ABTB2: variants seen among roughly 807,000 people sequenced by gnomAD.
The protein encoded by ABTB2 is ankyrin repeat and BTB domain containing 2.
In ABTB2, 56 loss-of-function variants were observed where a neutral mutation model predicts 104.1. The observed-to-expected ratio is 0.54, with a 90% CI of 0.43 to 0.67. ABTB2 has a LOEUF of 0.67. Among genes scored for constraint, ABTB2 ranks in the 30% least tolerant of loss-of-function variants. The probability of loss-of-function intolerance (pLI) is 0.00; values close to 1 mark genes in which losing one functional copy is unlikely to be tolerated. For synonymous variants in ABTB2, 606 were observed against 608.2 expected (o/e 1.00, Z 0.05); for missense variants, 1,279 against 1,407.7 (o/e 0.91, Z 1.46).
intron 1 of ABTB2, among the ~76,000 whole-genome samples, chr11:34,343,330 T>C (rs1213035904): frequency 6.6e-6 from 1 of 152,176 alleles, no homozygotes; most frequent in African/African-American, 2.4e-5. Context: ...TTACCACTAA[T>C]AATAGTTAAT....
rs770598303 is a variant in ABTB2, at chr11:34,162,621, C to T, written c.2173G>A (p.Ala725Thr). The T allele has an allele frequency of 1.2e-5, 20 of 1,613,678 alleles. No individual in the cohort carries two copies. The highest frequency in any genetic ancestry group is 4.0e-5 in the African/African-American group (3 of 75,064). Residue 725 changes from alanine to threonine, a missense_variant, in exon 10 of 17, where the codon GCT becomes ACT. Physicochemically the swap from Ala to Thr is moderately conservative, Grantham distance 58. Transcript: ENST00000435224. The stretch of plus-strand genomic sequence containing the variant: ...GTGATGTCCACGTAGCCGTGCTCAG[C>T]GCTGTAGTACATGGCCTCCTGTAGG... ...KALQEAMYYS[A>T]EHGYVDITME...
chr11:34,307,497 T>C (rs970338203), intron 1 of ABTB2, among the ~76,000 whole-genome samples: 2 of 152,200 alleles, frequency 1.3e-5, no homozygotes, highest in Admixed American at 6.5e-5. Flanking sequence ...ATGCAGCCAA[T>C]GAGCAGGAAA....
chr11:34,173,367 G>A (rs1202952761), intron 3 of ABTB2, 60 bp from the exon 4 acceptor site: 4 of 1,507,988 alleles, frequency 2.7e-6, no homozygotes, highest in Non-Finnish European at 3.6e-6. Flanking sequence ...GCAGCAGAGA[G>A]AGGGTCAGGC....
chr11:34,161,745 G>A (rs1230270397), intron 10 of ABTB2, among the ~76,000 whole-genome samples: 1 of 152,136 alleles, frequency 6.6e-6, no homozygotes, highest in Non-Finnish European at 1.5e-5. Context: ...TCCTGTCCCT[G>A]GTAATTAGAG....
Position 34,357,142 on chromosome 11 carries a change from C to A in ABTB2, c.442G>T (p.Val148Leu). The change falls in exon 1 of 17, where the codon GTG becomes TTG. Residue 148 changes from valine to leucine, a missense_variant. By Grantham distance (32) the Val-to-Leu change is conservative. Transcript: ENST00000435224. The stretch of plus-strand genomic sequence containing the variant: ...AAGCGGGTGCACTTGGCGTGCAGCA[C>A]GCTCAGGCGCTGCGCCTCGCGGGCC... The part of the protein sequence containing the change: ...RVAREAQRLS[V>L]LHAKCTRFEV... 6.7e-7 allele frequency: 1 copy of A among 1,494,876 alleles called. No homozygotes were observed. The highest frequency in any genetic ancestry group is 2.3e-5 in the Admixed American group (1 of 43,702). 92.6% of individuals were successfully genotyped at this position (1,494,876 alleles called of 1,614,324 possible).
chr11:34,230,274 GT>G (rs1454358832), intron 1 of ABTB2, among the ~76,000 whole-genome samples: 1 of 152,214 alleles, frequency 6.6e-6, no homozygotes, highest in Non-Finnish European at 1.5e-5. Flanking sequence ...AAGGGGGAGT[GT>G]TGCATTTTGA....
chr11:34,235,002 C>T (rs12577226), intron 1 of ABTB2, among the ~76,000 whole-genome samples: 4,011 of 152,220 alleles, frequency 0.026, 141 homozygotes, highest in East Asian at 0.17. Flanking sequence ...GGACTATAGG[C>T]GCCCGCCACG....
At chr11:34,158,423 A>C (rs942079587) in intron 14 of ABTB2, among the ~76,000 whole-genome samples, 4 of 152,208 alleles carry the variant, frequency 2.6e-5, no homozygotes, top group Admixed American at 6.5e-5. Context: ...AAAAAACAAA[A>C]AAAAGCCATT....
chr11:34,226,276 T>C (rs147196135), intron 1 of ABTB2, among the ~76,000 whole-genome samples: 1 of 145,460 alleles, frequency 6.9e-6, no homozygotes, highest in Non-Finnish European at 1.5e-5. Context: ...ACATTGGGAA[T>C]AGCTTGGCAG....
At chr11:34,322,286 G>A (rs1188242763) in intron 1 of ABTB2, among the ~76,000 whole-genome samples, 1 of 152,186 alleles carries the variant, frequency 6.6e-6, no homozygotes, top group Admixed American at 6.5e-5. Flanking sequence ...GAAAATTTGG[G>A]TATAGACTAA....
chr11:34,195,088 T>TGGGGG (rs1565137708), intron 3 of ABTB2, among the ~76,000 whole-genome samples: 2 of 33,252 alleles, frequency 6.0e-5, no homozygotes, highest in Non-Finnish European at 1.5e-4. Flanking sequence ...GGGGGGGGAG[T>TGGGGG]GGGGGCGGGA....
intron 1 of ABTB2, among the ~76,000 whole-genome samples, chr11:34,294,718 A>AAT (rs1447761001): frequency 6.9e-6 from 1 of 145,286 alleles, no homozygotes. Context: ...TACAAAAACA[A>AAT]TTTTTTTTTT....
intron 3 of ABTB2, among the ~76,000 whole-genome samples, chr11:34,182,920 T>C (rs893703770): frequency 2.0e-5 from 3 of 152,098 alleles, no homozygotes; most frequent in African/African-American, 7.2e-5. Flanking sequence ...ACTTGCCCTA[T>C]GTCATGCACC....
In ABTB2 at chr11:34,160,475, C is replaced by T. The variant is rs544845439; in HGVS notation, c.2398-122G>A. The T allele has an allele frequency of 2.3e-5, 16 of 706,530 alleles. No individual in the cohort carries two copies. In the African/African-American group the frequency reaches 2.3e-4, roughly 10 times the overall value. The allele number at this position is 706,530 out of a possible 1,614,324, so 43.8% of individuals were successfully genotyped here. On this transcript the variant is annotated intron_variant, in intron 11 of 16. Transcript: ENST00000435224. ...AGTAGTGCAGCCGCTATCTTTTGTT[C>T]CTGCTGGATGTGGCTTGGCAAGAGA...
chr11:34,310,811 T>A (rs781010465), intron 1 of ABTB2, among the ~76,000 whole-genome samples: 1 of 151,816 alleles, frequency 6.6e-6, no homozygotes, highest in Non-Finnish European at 1.5e-5. Flanking sequence ...ATTAATCCAC[T>A]GATGGTCACC....
chr11:34,347,588 C>T (rs182442410), intron 1 of ABTB2, among the ~76,000 whole-genome samples: 29 of 152,112 alleles, frequency 1.9e-4, no homozygotes, highest in African/African-American at 6.3e-4. Context: ...CACTGGAGTC[C>T]GGAAAAAGAC....
chr11:34,264,995 G>T (rs1027674779), intron 1 of ABTB2, among the ~76,000 whole-genome samples: 28 of 152,222 alleles, frequency 1.8e-4, no homozygotes, highest in African/African-American at 6.3e-4. Flanking sequence ...GATGTGCATT[G>T]CAGAACCATT....
At chr11:34,298,412 C>CTTT (rs200966756) in intron 1 of ABTB2, among the ~76,000 whole-genome samples, 142 of 129,138 alleles carry the variant, frequency 1.1e-3, no homozygotes, top group African/African-American at 3.8e-3. Flanking sequence ...GATCTTGTTT[C>CTTT]TTTTTTTTTT....
intron 1 of ABTB2, among the ~76,000 whole-genome samples, chr11:34,289,499 G>A (rs1010213314): frequency 1.3e-5 from 2 of 152,188 alleles, no homozygotes; most frequent in Admixed American, 1.3e-4. Flanking sequence ...ATGAGGCTTA[G>A]AGAGGCCAAG....
Sources: gnomAD v4.1 joint callset for allele counts (sites outside exome capture counted in the v4.1 genomes callset) on GRCh38, gnomAD v4.1.1 for gene constraint, MANE v1.5 for transcripts, NCBI Gene and HGNC (gene_info 2026-07-23, HGNC 2026-07-21) for gene names.